The following SLC67A1 variants were observed in gnomAD, a reference collection of about 807,000 sequenced individuals.
SLC67A1 encodes solute carrier family 67 member A1.
At chr11:2,908,082 C>A in the SLC67A1 span, 1 of 603,334 alleles carries the variant, frequency 1.7e-6, no homozygotes, top group Non-Finnish European at 2.9e-6. Context: ...GAGCAGGGTC[C>A]CCCTGGGAAG....
chr11:2,907,814 G>A, the SLC67A1 span, among the ~76,000 whole-genome samples: 5 of 152,230 alleles, frequency 3.3e-5, no homozygotes, highest in African/African-American at 1.2e-4. The surrounding 1 kb of genome is among the most constrained non-coding windows in gnomAD (Gnocchi z 6.7). Context: ...TCACAGAGCA[G>A]ACTGTGTCCT....
chr11:2,918,525 G>A, the SLC67A1 span, among the ~76,000 whole-genome samples: 8 of 152,202 alleles, frequency 5.3e-5, no homozygotes, highest in Non-Finnish European at 8.8e-5. Context: ...ACAAGCCCAC[G>A]AGCAGCCCTG....
At chr11:2,901,623 G>A in the SLC67A1 span, among the ~76,000 whole-genome samples, 2 of 152,248 alleles carry the variant, frequency 1.3e-5, no homozygotes, top group African/African-American at 2.4e-5. Context: ...TGCGGAGGGC[G>A]GCATGAGGCT....
the SLC67A1 span, chr11:2,919,739 G>C: frequency 2.9e-6 from 1 of 339,200 alleles, no homozygotes; most frequent in South Asian, 4.6e-5. Flanking sequence ...GCCTTGCAGG[G>C]TCCTTGGCAG....
the SLC67A1 span, chr11:2,917,006 G>A: frequency 2.6e-5 from 14 of 532,798 alleles, no homozygotes; most frequent in South Asian, 1.8e-4. Context: ...GTTAGGAGGG[G>A]AGGCCCAGAC....
chr11:2,902,537 A>C, the SLC67A1 span: 2 of 980,688 alleles, frequency 2.0e-6, no homozygotes, highest in Non-Finnish European at 2.4e-6. Flanking sequence ...CAGCTCCCGG[A>C]CCCTCAGGGG....
chr11:2,916,793 G>C, the SLC67A1 span: 1 of 1,519,566 alleles, frequency 6.6e-7, no homozygotes, highest in Non-Finnish European at 9.1e-7. Context: ...GGAAGGCATT[G>C]GCTAGGCCTG....
At chr11:2,922,821 C>T in the SLC67A1 span, among the ~76,000 whole-genome samples, 2 of 152,110 alleles carry the variant, frequency 1.3e-5, no homozygotes, top group African/African-American at 4.8e-5. Flanking sequence ...GGGCTGCCCG[C>T]AGGTGGCAGT....
At chr11:2,905,547 G>A in the SLC67A1 span, among the ~76,000 whole-genome samples, 1 of 152,318 alleles carries the variant, frequency 6.6e-6, no homozygotes, top group South Asian at 2.1e-4. Flanking sequence ...TGGTTTATAT[G>A]TGCCACATTT....
the SLC67A1 span, among the ~76,000 whole-genome samples, chr11:2,900,692 C>CAAAAAAAAAAAAAAAAA: frequency 1.1e-3 from 64 of 59,630 alleles, no homozygotes; most frequent in Middle Eastern, 0.01. Context: ...GACTCCGTCT[C>CAAAAAAAAAAAAAAAAA]AAAAAAAAAA....
the SLC67A1 span, chr11:2,902,623 A>C: frequency 8.9e-5 from 88 of 985,430 alleles, no homozygotes; most frequent in East Asian, 8.5e-3. Context: ...AATGTGGCAA[A>C]ATTTGGGGAA....
At chr11:2,916,480 C>G in the SLC67A1 span, 1 of 662,798 alleles carries the variant, frequency 1.5e-6, no homozygotes, top group South Asian at 1.9e-5. Context: ...CCAGTCCCCA[C>G]TCTTTAGGCC....
the SLC67A1 span, among the ~76,000 whole-genome samples, chr11:2,911,977 A>G: frequency 6.6e-6 from 1 of 152,110 alleles, no homozygotes; most frequent in Admixed American, 6.5e-5. Flanking sequence ...GGCGCTTTAC[A>G]ATCTTGACGT....
At chr11:2,919,224 G>C in the SLC67A1 span, 2 of 971,522 alleles carry the variant, frequency 2.1e-6, no homozygotes, top group East Asian at 2.4e-5. Flanking sequence ...ACCCTGATTG[G>C]CCAGGCTGCT....
the SLC67A1 span, chr11:2,903,491 T>G: frequency 6.2e-7 from 1 of 1,613,112 alleles, no homozygotes; most frequent in Non-Finnish European, 8.5e-7. Context: ...ATCGTGCCAG[T>G]GAGTAACACA....
chr11:2,922,112 G>T, the SLC67A1 span: 209 of 1,613,138 alleles, frequency 1.3e-4, no homozygotes, highest in African/African-American at 2.2e-3. Flanking sequence ...GTGACCCAGG[G>T]CCTGGTCATC....
the SLC67A1 span, chr11:2,909,489 G>T: frequency 3.5e-6 from 5 of 1,428,332 alleles, no homozygotes; most frequent in Non-Finnish European, 4.6e-6. Flanking sequence ...GGGGGGCGAC[G>T]TGGGGCGTGG....
the SLC67A1 span, among the ~76,000 whole-genome samples, chr11:2,900,558 T>C: frequency 6.6e-6 from 1 of 151,646 alleles, no homozygotes; most frequent in African/African-American, 2.4e-5. Context: ...GCGGGGGCTG[T>C]GGCGGGCGCC....
chr11:2,909,580 G>A, the SLC67A1 span: 3 of 1,527,858 alleles, frequency 2.0e-6, no homozygotes, highest in Non-Finnish European at 1.7e-6. Flanking sequence ...GTCCCCAGCC[G>A]CCCAGATGGT....
Sources: gnomAD v4.1 joint callset for allele counts (sites outside exome capture counted in the v4.1 genomes callset) on GRCh38, gnomAD v4.1.1 for gene constraint, Gnocchi (gnomAD v3.1) non-coding constraint, MANE v1.5 for transcripts, NCBI Gene and HGNC (gene_info 2026-07-23, HGNC 2026-07-21) for gene names.